The following ADGRB3 variants were observed in gnomAD, a reference collection of about 807,000 sequenced individuals.
ADGRB3 encodes the protein brain-specific angiogenesis inhibitor 3.
In ADGRB3, 37 loss-of-function variants were observed where a neutral mutation model predicts 193.4. That is an observed-to-expected ratio of 0.19 (90% CI 0.15 to 0.25). The LOEUF is 0.25. ADGRB3 is among the 10% of genes least tolerant of loss of function. The probability of loss-of-function intolerance (pLI) is 1.00; values close to 1 mark genes in which losing one functional copy is unlikely to be tolerated. For synonymous variants in ADGRB3, 690 were observed against 644.2 expected, an observed-to-expected ratio of 1.07 and a Z score of -1.08; for missense variants, 1,637 against 1,852.9, an observed-to-expected ratio of 0.88 and a Z score of 2.14.
At chr6:69,074,430 T>A (rs1014000662) in intron 16 of ADGRB3, among the ~76,000 whole-genome samples, 2 of 152,066 alleles carry the variant, frequency 1.3e-5, no homozygotes, top group Non-Finnish European at 2.9e-5. Context: ...CCAGTGATTG[T>A]CTATATGTAG....
At chr6:69,208,813 T>C (rs1309070609) in intron 17 of ADGRB3, among the ~76,000 whole-genome samples, 1 of 152,126 alleles carries the variant, frequency 6.6e-6, no homozygotes, top group Non-Finnish European at 1.5e-5. Context: ...ACCACTTCCA[T>C]TTGATGATGG....
intron 3 of ADGRB3, among the ~76,000 whole-genome samples, chr6:68,668,245 A>G (rs567048649): frequency 1.9e-4 from 29 of 152,158 alleles, no homozygotes; most frequent in Middle Eastern, 3.4e-3. Context: ...GGCCATCTTT[A>G]TGGCAGAAAA....
chr6:68,848,464 A>G (rs902084972), intron 3 of ADGRB3, among the ~76,000 whole-genome samples: 1 of 152,086 alleles, frequency 6.6e-6, no homozygotes, highest in Non-Finnish European at 1.5e-5. Flanking sequence ...TTTAATTAAC[A>G]TACTTTGACT....
Position 69,339,413 on chromosome 6 carries a change from A to C in ADGRB3, c.3368A>C (p.Lys1123Thr). 6.2e-7 allele frequency: 1 copy of C among 1,614,042 alleles called. No individual in the cohort carries two copies. The highest frequency in any genetic ancestry group is 8.5e-7 in the Non-Finnish European group (1 of 1,179,948). ...TCTGCGGTTCTGGCCATGACAGATA[A>C]ACGCTCCATATTGTTTCAAATACTT... ...WMSAVLAMTDKRSILFQILFA... is the reference protein window; with the variant it reads ...WMSAVLAMTDTRSILFQILFA... Residue 1123 changes from lysine (K) to threonine (T), a missense_variant, in exon 26 of 32, where the codon AAA (lysine) becomes ACA (threonine). This residue lies in a region of ADGRB3 where 116 missense variants were observed against 168.1 expected (regional missense o/e 0.69). Transcript: ENST00000370598.
chr6:68,822,904 C>G (rs1767773188), intron 3 of ADGRB3, among the ~76,000 whole-genome samples: 1 of 151,996 alleles, frequency 6.6e-6, no homozygotes, highest in African/African-American at 2.4e-5. Context: ...TTACATCCTA[C>G]AAGCTAGAGA....
At chr6:68,858,507 A>G (rs1765052897) in intron 3 of ADGRB3, among the ~76,000 whole-genome samples, 1 of 148,118 alleles carries the variant, frequency 6.8e-6, no homozygotes, top group Admixed American at 6.7e-5. Flanking sequence ...CCAAAAAAAA[A>G]AAAAAAACAC....
chr6:69,328,458 A>G (rs962144839), intron 22 of ADGRB3, among the ~76,000 whole-genome samples: 1 of 152,166 alleles, frequency 6.6e-6, no homozygotes, highest in Non-Finnish European at 1.5e-5. Context: ...TCTGTGAGAG[A>G]ATTTGTGTTT....
intron 3 of ADGRB3, among the ~76,000 whole-genome samples, chr6:68,865,614 T>G (rs912923480): frequency 6.6e-6 from 1 of 152,138 alleles, no homozygotes; most frequent in Admixed American, 6.5e-5. Context: ...ACTGCAGGGG[T>G]CCCTTTATCT....
At chr6:68,708,509 T>C (rs1043803796) in intron 3 of ADGRB3, among the ~76,000 whole-genome samples, 2 of 152,104 alleles carry the variant, frequency 1.3e-5, no homozygotes, top group African/African-American at 4.8e-5. Context: ...TCCAGTGAAA[T>C]TTCCTAAAGG....
intron 6 of ADGRB3, among the ~76,000 whole-genome samples, chr6:68,950,803 C>T (rs1475131065): frequency 3.3e-5 from 5 of 152,228 alleles, no homozygotes; most frequent in Admixed American, 6.5e-5. Context: ...CTCTGGACTA[C>T]ATACAGTATA....
chr6:68,735,103 A>G (rs573715076), intron 3 of ADGRB3, among the ~76,000 whole-genome samples: 3 of 152,166 alleles, frequency 2.0e-5, no homozygotes, highest in Non-Finnish European at 2.9e-5. Context: ...TATTCTACAT[A>G]TATAAATATG....
rs1460248864 is a variant in ADGRB3 at position 68,755,693 on chromosome 6, C to T, written c.757+116261C>T. Among the ~76,000 whole-genome samples, 5 of 152,062 alleles carry T rather than the reference C, an allele frequency of 3.3e-5. No individual in the cohort carries two copies. The East Asian group carries it at 9.6e-4, about 29-fold the overall frequency. ...TATTTGAAGGAAGCAGGGAAGAAAC[C>T]ACAAAGTGGGGAAGATTCAAAGTAT... On this transcript the variant is annotated intron_variant, in intron 3 of 31. Coordinates refer to ENST00000370598, the MANE Select transcript of ADGRB3 (RefSeq NM_001704.3).
intron 17 of ADGRB3, among the ~76,000 whole-genome samples, chr6:69,217,723 T>C (rs890674250): frequency 1.3e-5 from 2 of 152,196 alleles, no homozygotes; most frequent in African/African-American, 4.8e-5. Context: ...CTTTGTGCTA[T>C]AGGATGATTA....
intron 3 of ADGRB3, among the ~76,000 whole-genome samples, chr6:68,861,312 G>A (rs777757827): frequency 1.1e-4 from 16 of 152,106 alleles, no homozygotes; most frequent in Non-Finnish European, 2.1e-4. Context: ...GGTGGCTCAC[G>A]CCTGTGATCC....
chr6:68,814,574 TG>T (rs2127377387), intron 3 of ADGRB3, among the ~76,000 whole-genome samples: 1 of 152,328 alleles, frequency 6.6e-6, no homozygotes, highest in South Asian at 2.1e-4. Context: ...TTGTCAATTT[TG>T]GCTTTTGTTG....
intron 3 of ADGRB3, among the ~76,000 whole-genome samples, chr6:68,745,944 T>C (rs927959281): frequency 1.3e-5 from 2 of 152,030 alleles, no homozygotes; most frequent in South Asian, 4.1e-4. Context: ...ACCATAGTAT[T>C]TGCCAGACAC....
At chr6:68,976,997 A>G (rs13194716) in intron 10 of ADGRB3, among the ~76,000 whole-genome samples, 8,945 of 149,198 alleles carry the variant, frequency 0.06, 306 homozygotes, top group African/African-American at 0.085. Flanking sequence ...ATATTTATAT[A>G]TCATATAATA....
At position 68,757,840 on chromosome 6, in the gene ADGRB3, A is replaced by G. The variant is rs147222382; in HGVS notation, c.757+118408A>G. On this transcript the variant is annotated intron_variant, in intron 3 of 31. Transcript: ENST00000370598. ...CAGCCTGGCTTCTATAGTCACCACT[A>G]TGGAAACTATTCTCTAGCATTACCA... Among the ~76,000 whole-genome samples, 755 of 152,250 alleles carry G rather than the reference A, an allele frequency of 5.0e-3. 1 individual carries two copies. The highest frequency in any genetic ancestry group is 7.3e-3 in the Non-Finnish European group (494 of 67,988).
chr6:68,637,903 C>T (rs1767994148), intron 2 of ADGRB3, among the ~76,000 whole-genome samples: 2 of 151,954 alleles, frequency 1.3e-5, no homozygotes, highest in Non-Finnish European at 2.9e-5. Context: ...AATGACTGCC[C>T]TAAATCCTGG....
Sources: allele counts gnomAD v4.1 joint callset (sites outside exome capture counted in the v4.1 genomes callset), GRCh38; gene constraint gnomAD v4.1.1; regional missense constraint gnomAD v4.1.1; transcripts MANE v1.5; gene names NCBI Gene and HGNC (gene_info 2026-07-23, HGNC 2026-07-21).